DGKH: variants seen among roughly 807,000 people sequenced by gnomAD.
The protein encoded by DGKH is diacylglycerol kinase eta.
In DGKH, 90 loss-of-function variants were observed where a neutral mutation model predicts 159.3. That is an observed-to-expected ratio of 0.57 (90% CI 0.48 to 0.67). The LOEUF (loss-of-function observed/expected upper bound fraction) is 0.67. DGKH is among the 30% of genes least tolerant of loss of function. The pLI is 0.00. For missense variants in DGKH, 1,181 were observed against 1,506.1 expected (o/e 0.78, Z 3.57); for synonymous variants, 536 against 553.8 (o/e 0.97, Z 0.45).
At chr13:42,209,632 A>AT (rs1339594170) in intron 23 of DGKH, among the ~76,000 whole-genome samples, 167 bp downstream of exon 23, 2 of 152,180 alleles carry the variant, frequency 1.3e-5, no homozygotes, top group Non-Finnish European at 2.9e-5. Flanking sequence ...GTAGGAGTTT[A>AT]TTTTTTAGAG....
chr13:42,096,585 C>T (rs1269379135), intron 1 of DGKH, among the ~76,000 whole-genome samples: 1 of 152,190 alleles, frequency 6.6e-6, no homozygotes, highest in Non-Finnish European at 1.5e-5. Flanking sequence ...ATGTGGTAAG[C>T]TTTTCAGTCA....
intron 28 of DGKH, among the ~76,000 whole-genome samples, chr13:42,220,724 T>A (rs1011672592): frequency 6.6e-6 from 1 of 152,234 alleles, no homozygotes; most frequent in African/African-American, 2.4e-5. Flanking sequence ...TAAATGATAT[T>A]AAATTGTGAT....
chr13:42,089,935 G>GA lies in DGKH; in HGVS notation c.193-37520dup, dbSNP rs769287694. Among the ~76,000 whole-genome samples the GA allele has an allele frequency of 5.3e-3, 797 of 151,054 alleles. 1 individual carries two copies. Among genetic ancestry groups the GA allele is most frequent in the Admixed American group, 7.3e-3 (111 of 15,170 alleles). On this transcript the variant is annotated intron_variant, in intron 1 of 29. Coordinates refer to ENST00000337343, the MANE Select transcript of DGKH (RefSeq NM_178009.5). ...TCTCAGATTACAAAAAATTAAATTA[G>GA]AAAAAAAACAAACCCCAGAAAGGTA...
intron 16 of DGKH, among the ~76,000 whole-genome samples, chr13:42,193,831 T>C (rs1212085838): frequency 6.6e-6 from 1 of 152,194 alleles, no homozygotes; most frequent in Non-Finnish European, 1.5e-5. Context: ...AGAGTGAAGA[T>C]AATTAAGTTT....
At chr13:42,089,725 C>A (rs973170522) in intron 1 of DGKH, among the ~76,000 whole-genome samples, 8 of 152,104 alleles carry the variant, frequency 5.3e-5, no homozygotes, top group Non-Finnish European at 1.0e-4. Flanking sequence ...CTTGGGTAAT[C>A]CAGAATAACC....
Position 42,048,782 on chromosome 13 carries a change from G to T in DGKH, c.9G>T (p.Gly3=). The change falls in exon 1 of 30, where the codon GGG becomes GGT. Residue 3 remains glycine, a synonymous_variant. Transcript: ENST00000337343. The surrounding 1 kb of genome is among the most constrained non-coding windows in gnomAD (Gnocchi z 6.7). ...CGCAGGAGTCGGAGAGGATGGCAGG[G>T]GCCGGAGGCCAGCACCACCCTCCGG... The part of the protein sequence containing the change: MA[G]AGGQHHPPGA... 2 of 1,303,662 alleles carry T rather than the reference G, an allele frequency of 1.5e-6. No homozygotes were observed. Among genetic ancestry groups the T allele is most frequent in the Non-Finnish European group, 2.0e-6 (2 of 1,021,498 alleles). 80.8% of individuals were successfully genotyped at this position (1,303,662 alleles called of 1,614,324 possible).
intron 24 of DGKH, among the ~76,000 whole-genome samples, chr13:42,214,190 C>T (rs1248990354): frequency 1.3e-5 from 2 of 152,122 alleles, no homozygotes; most frequent in African/African-American, 4.8e-5. Context: ...CTTGTGATCC[C>T]TCTCACTTTC....
chr13:42,116,096 T>C (rs1370504851), intron 1 of DGKH, among the ~76,000 whole-genome samples: 1 of 152,182 alleles, frequency 6.6e-6, no homozygotes, highest in African/African-American at 2.4e-5. Flanking sequence ...TCATAGCACA[T>C]AGTGATATGC....
In DGKH at chr13:42,116,723, G is replaced by A. The variant is rs77076716; in HGVS notation, c.193-10740G>A. Among the ~76,000 whole-genome samples, 369 of 152,282 alleles carry A rather than the reference G, an allele frequency of 2.4e-3. 3 individuals carry two copies. The highest frequency in any genetic ancestry group is 8.4e-3 in the African/African-American group (349 of 41,552). The stretch of plus-strand genomic sequence containing the variant: ...GAGCTTCCACTTGTGACACAGAGGC[G>A]TTTCTGAAAATTTAGGTGACATCCT... On this transcript the variant is annotated intron_variant, in intron 1 of 29. Transcript: ENST00000337343.
intron 11 of DGKH, among the ~76,000 whole-genome samples, chr13:42,169,543 CAGTAGAAGACAGATGTCAA>C (rs1455018222): frequency 2.6e-5 from 4 of 152,126 alleles, no homozygotes; most frequent in Non-Finnish European, 5.9e-5. Flanking sequence ...CCCCCAATGT[CAGTAGAAGACAGATGTCAA>C]AATATCATGA....
intron 14 of DGKH, among the ~76,000 whole-genome samples, chr13:42,188,423 T>C (rs369588179): frequency 1.6e-4 from 24 of 152,370 alleles, no homozygotes; most frequent in East Asian, 1.4e-3. Context: ...TTTTCCTTCC[T>C]GCACTTTCTT....
intron 20 of DGKH, among the ~76,000 whole-genome samples, chr13:42,203,664 T>C (rs573726845): frequency 6.6e-6 from 1 of 152,150 alleles, no homozygotes; most frequent in African/African-American, 2.4e-5. Flanking sequence ...GAACCACAAA[T>C]AGAAACATGG....
intron 17 of DGKH, among the ~76,000 whole-genome samples, chr13:42,198,056 T>G (rs1170246819): frequency 6.6e-6 from 1 of 152,250 alleles, no homozygotes; most frequent in Non-Finnish European, 1.5e-5. Flanking sequence ...TTAAATTAAG[T>G]ATCATTATCT....
chr13:42,118,815 CT>C (rs1454279750), intron 1 of DGKH, among the ~76,000 whole-genome samples: 4 of 152,132 alleles, frequency 2.6e-5, no homozygotes, highest in African/African-American at 9.7e-5. Flanking sequence ...CAGAAGAGAA[CT>C]AATGAAGGGC....
intron 13 of DGKH, among the ~76,000 whole-genome samples, chr13:42,183,797 A>T (rs1956836877): frequency 6.6e-6 from 1 of 152,218 alleles, no homozygotes. Flanking sequence ...AAAAATGTAA[A>T]ACAGTTATTA....
At chr13:42,124,353 CT>C (rs1486367536) in intron 1 of DGKH, among the ~76,000 whole-genome samples, 1 of 151,972 alleles carries the variant, frequency 6.6e-6, no homozygotes, top group Non-Finnish European at 1.5e-5. Context: ...TGTTTTTCCC[CT>C]TTTTAAAAAT....
At chr13:42,090,444 A>G (rs1174614369) in intron 1 of DGKH, among the ~76,000 whole-genome samples, 1 of 152,194 alleles carries the variant, frequency 6.6e-6, no homozygotes, top group African/African-American at 2.4e-5. Flanking sequence ...CAAATAGACA[A>G]AACAAATCTT....
chr13:42,066,923 A>G (rs1882620563), intron 1 of DGKH, among the ~76,000 whole-genome samples: 1 of 151,790 alleles, frequency 6.6e-6, no homozygotes, highest in African/African-American at 2.4e-5. Flanking sequence ...TGAATCAAGT[A>G]TACTTACATT....
intron 1 of DGKH, among the ~76,000 whole-genome samples, chr13:42,083,271 A>G (rs1489807810): frequency 2.0e-5 from 3 of 152,204 alleles, no homozygotes; most frequent in African/African-American, 7.2e-5. Context: ...TTCGTGCTTC[A>G]AGGAACTTGC....
Sources: allele counts gnomAD v4.1 joint callset (sites outside exome capture counted in the v4.1 genomes callset), GRCh38; gene constraint gnomAD v4.1.1; non-coding constraint Gnocchi (gnomAD v3.1); transcripts MANE v1.5; gene names NCBI Gene and HGNC (gene_info 2026-07-23, HGNC 2026-07-21).